The following ITGAX variants were observed in gnomAD, a reference collection of about 807,000 sequenced individuals.
The protein encoded by ITGAX is integrin subunit alpha X.
ITGAX carries 99 observed loss-of-function variants against 140.2 expected under a neutral mutation model. The ratio of observed to expected loss-of-function variants is 0.71; its 90% confidence interval spans 0.60 to 0.83. The LOEUF is 0.83. ITGAX is among the 40% of genes least tolerant of loss of function. The pLI is 0.00. For synonymous variants in ITGAX, 631 were observed against 600.4 expected (o/e 1.05, Z -0.75); for missense variants, 1,444 against 1,482.0 (o/e 0.97, Z 0.42).
intron 14 of ITGAX, among the ~76,000 whole-genome samples, chr16:31,364,741 AGT>A (rs2080874305): frequency 6.6e-6 from 1 of 151,980 alleles, no homozygotes; most frequent in East Asian, 1.9e-4. Context: ...GGCTGGGCAC[AGT>A]GGCTCATGCC....
At chr16:31,360,578 G>C in intron 8 of ITGAX, 115 bp downstream of exon 8, 1 of 1,018,372 alleles carries the variant, frequency 9.8e-7, no homozygotes, top group Non-Finnish European at 1.4e-6. Context: ...CCCAGGAAGT[G>C]GTGCAATCCT....
intron 5 of ITGAX, among the ~76,000 whole-genome samples, 197 bp from the exon 6 acceptor site, chr16:31,359,503 C>G (rs1214091079): frequency 1.3e-5 from 2 of 152,172 alleles, no homozygotes; most frequent in African/African-American, 4.8e-5. Flanking sequence ...GAATGAAGGG[C>G]CTTGTTCCAG....
rs374476079 is a variant in ITGAX at position 31,356,722 on chromosome 16, C to T, written c.241C>T (p.Leu81=). The change falls in exon 3 of 30, where the codon CTG becomes TTG. Residue 81 remains leucine (L), a synonymous_variant. Transcript: ENST00000268296. ...CACTGGTGCCTGTGAGCCCATCGGC[C>T]TGCAGGGTGAGTCACCGCCCCTCCC... is the stretch of plus-strand genomic sequence containing the variant. ...YSTGACEPIG[L]QVPPEAVNMS... 5.0e-6 allele frequency: 8 copies of T among 1,584,460 alleles called. No homozygotes were observed. The highest frequency in any genetic ancestry group is 1.2e-5 in the South Asian group (1 of 86,722).
At chr16:31,361,783 C>T in intron 9 of ITGAX, 53 bp from the exon 10 acceptor site, 1 of 1,576,600 alleles carries the variant, frequency 6.3e-7, no homozygotes, top group Non-Finnish European at 8.7e-7. Context: ...TGTTCTTGGA[C>T]CTGGCAAAGC....
intron 2 of ITGAX, 95 bp downstream of exon 2, chr16:31,356,093 C>T (rs2080757337): frequency 1.1e-5 from 9 of 855,270 alleles, no homozygotes; most frequent in South Asian, 1.6e-5. Context: ...TGCAAACTCT[C>T]CTCTCTGTCT....
At chr16:31,357,227 C>T (rs753053210) in intron 4 of ITGAX, 26 bp from the exon 5 acceptor site, 4 of 1,555,744 alleles carry the variant, frequency 2.6e-6, no homozygotes, top group Non-Finnish European at 3.5e-6. Context: ...CAGGGGCAGC[C>T]CCCCAGCAGC....
chr16:31,363,287 C>A lies in ITGAX; in HGVS notation c.1623C>A (p.Ile541=). The change falls in exon 14 of 30, where the codon ATC becomes ATA. Residue 541 remains isoleucine (I), a synonymous_variant. Coordinates refer to ENST00000268296, the MANE Select transcript of ITGAX (RefSeq NM_000887.5). ...GGGACAAGCTGACAGACGTGGTCAT[C>A]GGGGCCCCAGGAGAGGAGGAGAACC... ...VNGDKLTDVV[I]GAPGEEENRG... 6.2e-7 allele frequency: 1 copy of A among 1,613,848 alleles called. No individual in the cohort carries two copies. Among genetic ancestry groups the A allele is most frequent in the South Asian group, 1.1e-5 (1 of 91,082 alleles).
intron 14 of ITGAX, 42 bp from the exon 15 acceptor site, chr16:31,371,042 C>T (rs2080950770): frequency 1.2e-6 from 2 of 1,612,594 alleles, no homozygotes; most frequent in African/African-American, 1.3e-5. Context: ...CAACTTCTTC[C>T]CCTACTTTCC....
chr16:31,359,615 G>A, intron 5 of ITGAX, 85 bp from the exon 6 acceptor site: 1 of 1,518,004 alleles, frequency 6.6e-7, no homozygotes, highest in Admixed American at 1.9e-5. Context: ...AAGGGTTTTG[G>A]GAGAGTGAGC....
rs1229057143 is a variant in ITGAX, at chr16:31,361,110, C to T, written c.909C>T (p.Asp303=). ...QNRNSWKELN[D]IASKPSQEHI... is the part of the protein sequence containing the mutation. ...GAAATTCTTGGAAAGAATTAAATGA[C>T]ATTGCATCGAAGCCCTCCCAGGAAC... Residue 303 remains aspartate (D), a synonymous_variant, in exon 9 of 30, where the codon GAC becomes GAT. Coordinates refer to ENST00000268296, the MANE Select transcript of ITGAX (RefSeq NM_000887.5). 3 of 1,613,680 alleles carry T rather than the reference C, an allele frequency of 1.9e-6. No homozygotes were observed. Among genetic ancestry groups the T allele is most frequent in the Admixed American group, 1.7e-5 (1 of 59,900 alleles).
At chr16:31,361,741 G>A (rs746741621) in intron 9 of ITGAX, 95 bp from the exon 10 acceptor site, 4 of 1,309,560 alleles carry the variant, frequency 3.1e-6, no homozygotes, top group Non-Finnish European at 4.4e-6. Flanking sequence ...TCTCCCTGTA[G>A]CCTCCAGTCT....
At position 31,382,751 on chromosome 16, in the gene ITGAX, G is replaced by A. The variant is rs907407951; in HGVS notation, c.*844G>A. ...ACATTGCTGGCTGGAAGGGAGGAGCGCCCTCTAGGGAGGGACATGGCCCCG... is the reference window on the plus strand; with the variant it reads ...ACATTGCTGGCTGGAAGGGAGGAGCACCCTCTAGGGAGGGACATGGCCCCG... On this transcript the variant is annotated 3_prime_UTR_variant, in exon 30 of 30. Transcript: ENST00000268296. 3 of 514,628 alleles carry A rather than the reference G, an allele frequency of 5.8e-6. No homozygotes were observed. Among genetic ancestry groups the A allele is most frequent in the Non-Finnish European group, 1.0e-5 (3 of 287,438 alleles). The allele number at this position is 514,628 out of a possible 1,614,324, so 31.9% of individuals were successfully genotyped here.
Position 31,360,304 on chromosome 16 carries a change from T to C in ITGAX, c.708-6T>C, listed in dbSNP as rs1047877538. 4 of 1,604,650 alleles carry C rather than the reference T, an allele frequency of 2.5e-6. No homozygotes were observed. Among genetic ancestry groups the C allele is most frequent in the Non-Finnish European group, 3.4e-6 (4 of 1,175,308 alleles). ...CAGGCCTCTAAGACCTCTCCTTTCC[T>C]GATAGGCACCGATTGTTCCATGCCT... On this transcript the variant is annotated splice_polypyrimidine_tract_variant and splice_region_variant and intron_variant, in intron 7 of 29. Coordinates refer to ENST00000268296, the MANE Select transcript of ITGAX (RefSeq NM_000887.5).
In ITGAX at chr16:31,382,753, C is replaced by T; in HGVS notation, c.*846C>T. The T allele has an allele frequency of 2.0e-6, 1 of 511,996 alleles. No individual in the cohort carries two copies. The highest frequency in any genetic ancestry group is 3.4e-5 in the East Asian group (1 of 29,286). 31.7% of individuals were successfully genotyped at this position (511,996 alleles called of 1,614,324 possible). On this transcript the variant is annotated 3_prime_UTR_variant, in exon 30 of 30. Coordinates refer to ENST00000268296, the MANE Select transcript of ITGAX (RefSeq NM_000887.5). ...ATTGCTGGCTGGAAGGGAGGAGCGC[C>T]CTCTAGGGAGGGACATGGCCCCGGT... is the stretch of plus-strand genomic sequence containing the variant.
At chr16:31,363,582 A>AT (rs1253472890) in intron 14 of ITGAX, among the ~76,000 whole-genome samples, 2 of 152,184 alleles carry the variant, frequency 1.3e-5, no homozygotes, top group Non-Finnish European at 2.9e-5. Flanking sequence ...AGTAGCTGGG[A>AT]TTACAGGCAT....
Position 31,359,828 on chromosome 16 carries a change from C to G in ITGAX, c.559C>G (p.Gln187Glu), listed in dbSNP as rs753626983. Residue 187 changes from glutamine to glutamate, a missense_variant and splice_region_variant, in exon 6 of 30, where the codon CAG (glutamine) becomes GAG (glutamate). Physicochemically the swap from Gln to Glu is conservative, Grantham distance 29 (BLOSUM62 2). Transcript: ENST00000268296. ...AAGCCAGTTCCAGAGACCCAGCACC[C>G]AGGTGTGCCTTTGGGGGAGGGAGGC... ...VISQFQRPST[Q>E]FSLMQFSNKF... 9.3e-6 allele frequency: 15 copies of G among 1,614,174 alleles called. No homozygotes were observed. The highest frequency in any genetic ancestry group is 1.3e-5 in the Non-Finnish European group (15 of 1,180,040).
rs144966104 is a variant in ITGAX at position 31,376,964 on chromosome 16, T to C, written c.2626-36T>C. ...ACTGCTCCCCTGCCCCACCCTGTCT[T>C]TACTGCTCTGTGACCTCTCAGTTCC... On this transcript the variant is annotated intron_variant, in intron 21 of 29. Transcript: ENST00000268296. 6.7e-4 allele frequency: 1,089 copies of C among 1,613,840 alleles called. 14 individuals carry two copies. In the African/African-American group the frequency reaches 0.012, roughly 18 times the overall value.
Position 31,355,359 on chromosome 16 carries a change from G to A in ITGAX, c.37+68G>A, listed in dbSNP as rs2080747673. 5 of 1,560,638 alleles carry A rather than the reference G, an allele frequency of 3.2e-6. No homozygotes were observed. The South Asian group carries it at 5.6e-5, about 17-fold the overall frequency. ...CAAGGGAGCCAGGGCCCTGAACTGG[G>A]GGCTCAGGCTGGGGGGTTAGGATCT... On this transcript the variant is annotated intron_variant, in intron 1 of 29. Transcript: ENST00000268296.
chr16:31,360,312 A>G lies in ITGAX; in HGVS notation c.710A>G (p.His237Arg). The change falls in exon 8 of 30, where the codon CAC becomes CGC. Residue 237 changes from histidine (H) to arginine (R), a missense_variant and splice_region_variant. His to Arg is a conservative substitution (Grantham distance 29, BLOSUM62 0). Coordinates refer to ENST00000268296, the MANE Select transcript of ITGAX (RefSeq NM_000887.5). ...TAAGACCTCTCCTTTCCTGATAGGCACCGATTGTTCCATGCCTCATATGGG... is the reference window on the plus strand; with the variant it reads ...TAAGACCTCTCCTTTCCTGATAGGCGCCGATTGTTCCATGCCTCATATGGG... ...YTATAIQNVVHRLFHASYGAR... is the reference protein window; with the variant it reads ...YTATAIQNVVRRLFHASYGAR... 1 of 1,609,230 alleles carries G rather than the reference A, an allele frequency of 6.2e-7. No individual in the cohort carries two copies. Among genetic ancestry groups the G allele is most frequent in the Non-Finnish European group, 8.5e-7 (1 of 1,177,464 alleles).
Sources: gnomAD v4.1 joint callset for allele counts (sites outside exome capture counted in the v4.1 genomes callset) on GRCh38, gnomAD v4.1.1 for gene constraint, MANE v1.5 for transcripts, NCBI Gene and HGNC (gene_info 2026-07-23, HGNC 2026-07-21) for gene names.